The following ADGRV1 variants were observed in gnomAD, a reference collection of about 807,000 sequenced individuals.
The protein encoded by ADGRV1 is adhesion G protein-coupled receptor V1, also known as G-protein coupled receptor 98.
Under a neutral mutation model 596.2 loss-of-function variants are expected in ADGRV1, and 359 were observed. That is an observed-to-expected ratio of 0.60 (90% CI 0.55 to 0.66). The LOEUF is 0.66. Ranked by LOEUF, ADGRV1 falls within the 30% of genes least tolerant of loss-of-function variation. The pLI is 0.00. For synonymous variants in ADGRV1, 2,681 were observed against 2,679.2 expected (o/e 1.00, Z -0.02); for missense variants, 7,274 against 7,575.6 (o/e 0.96, Z 1.48).
intron 64 of ADGRV1, 138 bp from the exon 65 acceptor site, chr5:90,781,292 A>G (rs1758811858): frequency 1.4e-6 from 1 of 717,592 alleles, no homozygotes; most frequent in African/African-American, 1.8e-5. Flanking sequence ...TTTAGCGTTG[A>G]GGATCTTTAA....
chr5:90,683,483 A>G (rs994125784), intron 27 of ADGRV1, 103 bp from the exon 28 acceptor site: 1 of 943,072 alleles, frequency 1.1e-6, no homozygotes, highest in Non-Finnish European at 1.5e-6. Context: ...AGAAGAACTT[A>G]TATAAAATAA....
intron 86 of ADGRV1, among the ~76,000 whole-genome samples, chr5:91,096,460 C>T (rs1027125964): frequency 4.6e-5 from 7 of 152,172 alleles, no homozygotes; most frequent in Non-Finnish European, 7.3e-5. Flanking sequence ...CACTAATTGA[C>T]GTATCTACTT....
chr5:90,769,229 G>T (rs752035490), intron 59 of ADGRV1, among the ~76,000 whole-genome samples: 2 of 152,014 alleles, frequency 1.3e-5, no homozygotes, highest in African/African-American at 4.8e-5. Context: ...GTTCTGAAAA[G>T]CTCTCCCTCT....
At chr5:91,054,204 C>T (rs1464364796) in intron 85 of ADGRV1, among the ~76,000 whole-genome samples, 1 of 151,598 alleles carries the variant, frequency 6.6e-6, no homozygotes, top group African/African-American at 2.4e-5. Flanking sequence ...TAGCAGATAG[C>T]ATTTTGATAC....
chr5:90,924,920 T>G (rs1177687377), intron 83 of ADGRV1, among the ~76,000 whole-genome samples: 1 of 151,750 alleles, frequency 6.6e-6, no homozygotes, highest in African/African-American at 2.4e-5. Context: ...TTTTCTCAGG[T>G]TTGTCAAGGA....
chr5:90,721,322 G>A (rs1045750025), intron 45 of ADGRV1, among the ~76,000 whole-genome samples: 1 of 151,564 alleles, frequency 6.6e-6, no homozygotes. Context: ...GGCTAACATG[G>A]TGAAACCCCA....
intron 86 of ADGRV1, among the ~76,000 whole-genome samples, chr5:91,096,887 TC>T (rs1243184034): frequency 6.6e-6 from 1 of 152,158 alleles, no homozygotes; most frequent in Non-Finnish European, 1.5e-5. Flanking sequence ...TCTGCACTCC[TC>T]CCAGCCCCTG....
chr5:90,560,119 ACACACAATGACTTC>A (rs1361100215), intron 1 of ADGRV1, among the ~76,000 whole-genome samples: 1 of 152,194 alleles, frequency 6.6e-6, no homozygotes, highest in Admixed American at 6.5e-5. Flanking sequence ...TCTGCCATTA[ACACACAATGACTTC>A]GGACATTCAC....
chr5:90,655,442 T>C (rs893422449), intron 20 of ADGRV1: 2 of 152,224 alleles, frequency 1.3e-5, no homozygotes, highest in Admixed American at 1.3e-4. Flanking sequence ...AGTGCTACTT[T>C]CAATTTCTGT....
intron 84 of ADGRV1, among the ~76,000 whole-genome samples, chr5:90,979,540 T>G (rs1779917069): frequency 6.6e-6 from 1 of 152,160 alleles, no homozygotes; most frequent in South Asian, 2.1e-4. Flanking sequence ...TGGAGTATGT[T>G]GCACTCCCAG....
At chr5:90,867,144 T>C (rs1391275219) in intron 83 of ADGRV1, among the ~76,000 whole-genome samples, 6 of 152,294 alleles carry the variant, frequency 3.9e-5, no homozygotes, top group African/African-American at 1.2e-4. Context: ...TTCTCAGTTC[T>C]GGAGGTTCTG....
intron 1 of ADGRV1, among the ~76,000 whole-genome samples, chr5:90,597,882 T>C (rs1397554617): frequency 1.3e-5 from 2 of 152,080 alleles, no homozygotes; most frequent in Non-Finnish European, 2.9e-5. Context: ...TCTATGGAGA[T>C]AGAGATGGAT....
intron 28 of ADGRV1, among the ~76,000 whole-genome samples, chr5:90,685,348 C>T (rs747390529): frequency 2.6e-5 from 4 of 151,950 alleles, no homozygotes; most frequent in African/African-American, 9.7e-5. Context: ...TTTGGGAGGC[C>T]GAGGCAGGCA....
At chr5:91,117,373 A>G (rs1041387473) in intron 87 of ADGRV1, among the ~76,000 whole-genome samples, 1 of 152,098 alleles carries the variant, frequency 6.6e-6, no homozygotes, top group African/African-American at 2.4e-5. Context: ...TATGCCCTCA[A>G]TATATATTAT....
chr5:90,991,570 T>C (rs1175052670), intron 85 of ADGRV1, among the ~76,000 whole-genome samples: 9 of 152,204 alleles, frequency 5.9e-5, no homozygotes, highest in African/African-American at 1.9e-4. Flanking sequence ...TGAGCCATCA[T>C]GTCCAGCCTA....
chr5:91,085,537 G>A (rs555744230), intron 86 of ADGRV1, among the ~76,000 whole-genome samples: 1 of 152,198 alleles, frequency 6.6e-6, no homozygotes, highest in African/African-American at 2.4e-5. Flanking sequence ...TATCTCACAC[G>A]ACTTTCCTTA....
chr5:91,132,146 G>T (rs1225453874), intron 87 of ADGRV1, among the ~76,000 whole-genome samples: 23 of 152,012 alleles, frequency 1.5e-4, no homozygotes. Context: ...CTGTTCCATT[G>T]GCATGACAGA....
chr5:90,660,882 G>A (rs1013820046), intron 21 of ADGRV1, among the ~76,000 whole-genome samples: 1 of 152,078 alleles, frequency 6.6e-6, no homozygotes, highest in Non-Finnish European at 1.5e-5. Context: ...CCTGCTATTT[G>A]GCACATTGAA....
At chr5:91,096,290 G>A (rs886756475) in intron 86 of ADGRV1, among the ~76,000 whole-genome samples, 1 of 152,124 alleles carries the variant, frequency 6.6e-6, no homozygotes, top group South Asian at 2.1e-4. Flanking sequence ...TAAAGCCAAG[G>A]CTGCAATTAC....
Sources: allele counts gnomAD v4.1 joint callset (sites outside exome capture counted in the v4.1 genomes callset), GRCh38; gene constraint gnomAD v4.1.1; transcripts MANE v1.5; gene names NCBI Gene and HGNC (gene_info 2026-07-23, HGNC 2026-07-21).